Variants in CFTR observed in about 807,000 individuals in gnomAD.
CFTR encodes cystic fibrosis transmembrane conductance regulator.
CFTR carries 181 observed loss-of-function variants against 171.6 expected under a neutral mutation model. The observed-to-expected ratio is 1.05, with a 90% CI of 0.93 to 1.19. CFTR has a LOEUF of 1.19. Among genes scored for constraint, CFTR ranks in the 50% most tolerant of loss-of-function variants. CFTR has a pLI of 0.00. For synonymous variants in CFTR, 583 were observed against 608.0 expected (o/e 0.96, Z 0.60); for missense variants, 1,968 against 1,734.7 (o/e 1.13, Z -2.39).
chr7:117,633,746 A>T (rs981712789), intron 22 of CFTR, among the ~76,000 whole-genome samples: 1 of 152,082 alleles, frequency 6.6e-6, no homozygotes, highest in Admixed American at 6.6e-5. Flanking sequence ...CTTTTCTGCA[A>T]CTATTGATTT....
At position 117,665,546 on chromosome 7, in the gene CFTR, G is replaced by A. The variant is rs1800134; in HGVS notation, c.4224G>A (p.Leu1408=). 58 of 1,611,284 alleles carry A rather than the reference G, an allele frequency of 3.6e-5. No homozygotes were observed. In the South Asian group the frequency reaches 5.8e-4, roughly 16 times the overall value. ...ILCEHRIEAM[L]ECQQFLVIEE... ...GTGAACACAGGATAGAAGCAATGCT[G>A]GAATGCCAACAATTTTTGGTGAGTC... The change falls in exon 26 of 27, where the codon CTG becomes CTA. Residue 1408 remains leucine, a synonymous_variant. Coordinates refer to ENST00000003084, the MANE Select transcript of CFTR (RefSeq NM_000492.4).
intron 10 of CFTR, among the ~76,000 whole-genome samples, chr7:117,557,057 T>A (rs904540445): frequency 1.2e-3 from 190 of 152,230 alleles, no homozygotes; most frequent in Non-Finnish European, 1.3e-3. Context: ...GACGCTTTTT[T>A]AAAAAGCTGT....
chr7:117,538,577 G>C (rs1010774410), intron 7 of CFTR, among the ~76,000 whole-genome samples: 1 of 152,010 alleles, frequency 6.6e-6, no homozygotes, highest in Non-Finnish European at 1.5e-5. Context: ...TACCAGCCTA[G>C]TCCATGTTAT....
chr7:117,523,478 G>A (rs1422987852), intron 3 of CFTR, among the ~76,000 whole-genome samples: 6 of 151,564 alleles, frequency 4.0e-5, no homozygotes, highest in African/African-American at 9.7e-5. Flanking sequence ...CTGGGTTCAC[G>A]CCATTCTCCT....
intron 1 of CFTR, among the ~76,000 whole-genome samples, chr7:117,490,354 C>CACACACA (rs767133170): frequency 6.8e-6 from 1 of 146,056 alleles, no homozygotes; most frequent in South Asian, 2.1e-4. Flanking sequence ...CACACACACA[C>CACACACA]AATTTATTAT....
chr7:117,619,093 C>T (rs1405355913), intron 21 of CFTR, among the ~76,000 whole-genome samples: 1 of 152,124 alleles, frequency 6.6e-6, no homozygotes, highest in African/African-American at 2.4e-5. Flanking sequence ...TTTAAAACTC[C>T]ATACCTCAAA....
At chr7:117,599,482 A>G (rs890887832) in intron 15 of CFTR, among the ~76,000 whole-genome samples, 20 of 152,290 alleles carry the variant, frequency 1.3e-4, no homozygotes, top group Admixed American at 9.1e-4. Flanking sequence ...ACAACAGAGA[A>G]TATAAATACC....
At position 117,627,725 on chromosome 7, in the gene CFTR, T is replaced by A. The variant is rs371475225; in HGVS notation, c.3672T>A (p.Asn1224Lys). ...DLTAKYTEGG[N>K]AILENISFSI... is the part of the protein sequence containing the mutation. ...CAGCAAAATACACAGAAGGTGGAAA[T>A]GCCATATTAGAGAACATTTCCTTCT... Residue 1224 changes from asparagine to lysine, a missense_variant, in exon 22 of 27, where the codon AAT (asparagine) becomes AAA (lysine). Asn to Lys is a moderately conservative substitution (Grantham distance 94). Transcript: ENST00000003084. 102 of 1,613,174 alleles carry A rather than the reference T, an allele frequency of 6.3e-5. No individual in the cohort carries two copies. In the South Asian group the frequency reaches 9.9e-4, roughly 16 times the overall value.
At chr7:117,512,594 A>G (rs1263636140) in intron 3 of CFTR, among the ~76,000 whole-genome samples, 1 of 138,672 alleles carries the variant, frequency 7.2e-6, no homozygotes, top group East Asian at 2.3e-4. Flanking sequence ...AGATCGCACC[A>G]CTGCACTCCA....
Position 117,602,853 on chromosome 7 carries a change from CTCCTTGGAAAGTGAGTAT to C in CFTR, c.2651_2657+11del. On this transcript the variant is annotated splice_donor_variant and splice_donor_5th_base_variant and coding_sequence_variant and intron_variant, in exon 16 of 27. Transcript: ENST00000003084. LOFTEE classifies it high-confidence loss of function. ...GGCTGCTTCTTTGGTTGTGCTGTGG[CTCCTTGGAAAGTGAGTAT>C]TCCATGTCCTATTGTGTAGATTGTG... 6.2e-7 allele frequency: 1 copy of C among 1,613,704 alleles called. No individual in the cohort carries two copies. The highest frequency in any genetic ancestry group is 8.5e-7 in the Non-Finnish European group (1 of 1,179,634).
chr7:117,590,542 C>A (rs1792010649), intron 13 of CFTR, 103 bp downstream of exon 13: 2 of 1,383,948 alleles, frequency 1.4e-6, no homozygotes, highest in Admixed American at 2.1e-5. Flanking sequence ...AATATGTTCA[C>A]CATTGTTGGT....
chr7:117,608,854 A>G (rs1421707348), intron 18 of CFTR, among the ~76,000 whole-genome samples: 1 of 152,106 alleles, frequency 6.6e-6, no homozygotes, highest in East Asian at 1.9e-4. Context: ...TTTTTAAAAA[A>G]AAGTCTCTGT....
intron 3 of CFTR, 123 bp downstream of exon 3, chr7:117,509,265 C>CTCATTTGTACATTCATTATGTATCACATA: frequency 1.4e-6 from 1 of 697,662 alleles, no homozygotes; most frequent in South Asian, 1.6e-5. Flanking sequence ...CAACTCCAAA[C>CTCATTTGTACATTCATTATGTATCACATA]ACTAAGAAAC....
At chr7:117,550,662 G>T (rs1353398533) in intron 10 of CFTR, among the ~76,000 whole-genome samples, 66 of 152,300 alleles carry the variant, frequency 4.3e-4, no homozygotes, top group African/African-American at 1.5e-3. Flanking sequence ...ATGTCTTCAA[G>T]ATCAATTCTA....
In CFTR at chr7:117,595,900, A is replaced by G. The variant is rs1008817713; in HGVS notation, c.2619+842A>G. ...GACCCTATCTCTAAATAAATAAATAAGTAAATAAATAAACAGCAACAACAA... is the reference window on the plus strand; with the variant it reads ...GACCCTATCTCTAAATAAATAAATAGGTAAATAAATAAACAGCAACAACAA... On this transcript the variant is annotated intron_variant, in intron 15 of 26. Transcript: ENST00000003084. 2.0e-5 allele frequency among the ~76,000 whole-genome samples: 3 copies of G among 152,192 alleles called. No homozygotes were observed. Among genetic ancestry groups the G allele is most frequent in the Admixed American group, 2.0e-4 (3 of 15,274 alleles).
At chr7:117,513,125 T>A (rs921280011) in intron 3 of CFTR, among the ~76,000 whole-genome samples, 1 of 152,080 alleles carries the variant, frequency 6.6e-6, no homozygotes, top group Admixed American at 6.5e-5. Flanking sequence ...GGCAGATTGA[T>A]AAGAGGAAAA....
rs568020045 is a variant in CFTR at position 117,611,768 on chromosome 7, C to T, written c.3327C>T (p.Ile1109=). The change falls in exon 20 of 27, where the codon ATC becomes ATT. Residue 1109 remains isoleucine, a synonymous_variant. Transcript: ENST00000003084. ...TGAGAATAGAAATGATTTTTGTCAT[C>T]TTCTTCATTGCTGTTACCTTCATTT... ...FQMRIEMIFV[I]FFIAVTFISI... The T allele has an allele frequency of 6.2e-7, 1 of 1,613,228 alleles. No homozygotes were observed. The highest frequency in any genetic ancestry group is 2.2e-5 in the East Asian group (1 of 44,844).
chr7:117,644,439 G>A (rs1414018697), intron 23 of CFTR, among the ~76,000 whole-genome samples: 2 of 151,782 alleles, frequency 1.3e-5, no homozygotes, highest in African/African-American at 4.8e-5. Flanking sequence ...AAGGAAGAAG[G>A]AATTAAAAAT....
At chr7:117,637,675 G>C (rs1249554294) in intron 22 of CFTR, among the ~76,000 whole-genome samples, 1 of 152,010 alleles carries the variant, frequency 6.6e-6, no homozygotes, top group South Asian at 2.1e-4. Flanking sequence ...TCAGGAGTTC[G>C]AGACCAGCCT....
Sources: allele counts gnomAD v4.1 joint callset (sites outside exome capture counted in the v4.1 genomes callset), GRCh38; gene constraint gnomAD v4.1.1; transcripts MANE v1.5; gene names NCBI Gene and HGNC (gene_info 2026-07-23, HGNC 2026-07-21).